Variants in ANKS1B observed in about 807,000 individuals in gnomAD.
ANKS1B encodes the protein ankyrin repeat and sterile alpha motif domain containing 1B, also known as ankyrin repeat and sterile alpha motif domain-containing protein 1B.
A neutral mutation model predicts 148.3 loss-of-function variants in ANKS1B; 36 were observed. That is an observed-to-expected ratio of 0.24 (90% CI 0.19 to 0.32). ANKS1B has a LOEUF of 0.32. Among genes scored for constraint, ANKS1B ranks in the 10% least tolerant of loss-of-function variants. The probability of loss-of-function intolerance (pLI) is 1.00; values close to 1 mark genes in which losing one functional copy is unlikely to be tolerated. For synonymous variants in ANKS1B, 542 were observed against 560.8 expected (o/e 0.97, Z 0.47); for missense variants, 1,157 against 1,542.6 (o/e 0.75, Z 4.19).
At chr12:99,123,216 G>A (rs184794391) in intron 15 of ANKS1B, among the ~76,000 whole-genome samples, 194 of 152,110 alleles carry the variant, frequency 1.3e-3, no homozygotes, top group African/African-American at 4.5e-3. Flanking sequence ...GACAAAGCAG[G>A]GAAAGGAGAC....
At chr12:99,661,694 C>G (rs1222450662) in intron 8 of ANKS1B, among the ~76,000 whole-genome samples, 1 of 152,108 alleles carries the variant, frequency 6.6e-6, no homozygotes, top group Non-Finnish European at 1.5e-5. Context: ...ATATACAGTC[C>G]CCCCTCCTCC....
chr12:98,852,501 C>CT (rs1168744589), intron 17 of ANKS1B, among the ~76,000 whole-genome samples: 2 of 152,140 alleles, frequency 1.3e-5, no homozygotes, highest in Non-Finnish European at 2.9e-5. Context: ...GTACTACTTT[C>CT]TATGCATCTG....
intron 15 of ANKS1B, among the ~76,000 whole-genome samples, chr12:99,140,395 T>G (rs1033454037): frequency 6.6e-6 from 1 of 152,200 alleles, no homozygotes; most frequent in African/African-American, 2.4e-5. Context: ...CCTGGAATAA[T>G]TCATGTAAGC....
At chr12:99,133,305 G>T (rs555908575) in intron 15 of ANKS1B, among the ~76,000 whole-genome samples, 3 of 151,786 alleles carry the variant, frequency 2.0e-5, no homozygotes, top group African/African-American at 7.3e-5. Flanking sequence ...CACCTGCCTC[G>T]GCCTCCCAAA....
chr12:98,769,165 C>CTTTTTTT (rs1182264550), intron 25 of ANKS1B, among the ~76,000 whole-genome samples: 653 of 41,258 alleles, frequency 0.016, 78 homozygotes, highest in East Asian at 0.028. Context: ...GTCTTCTTTA[C>CTTTTTTT]TTTTTTTTTT....
intron 15 of ANKS1B, among the ~76,000 whole-genome samples, chr12:99,116,124 T>C (rs1352812079): frequency 6.6e-6 from 1 of 152,154 alleles, no homozygotes; most frequent in Non-Finnish European, 1.5e-5. Context: ...GTGAATTTTA[T>C]GTGCGTAAAG....
At chr12:99,064,086 G>T (rs961739337) in intron 16 of ANKS1B, among the ~76,000 whole-genome samples, 1 of 152,164 alleles carries the variant, frequency 6.6e-6, no homozygotes, top group African/African-American at 2.4e-5. Context: ...CTGATTTGGG[G>T]TTCCTTGAGT....
chr12:99,730,410 G>A (rs2059021354), intron 8 of ANKS1B, among the ~76,000 whole-genome samples: 1 of 152,144 alleles, frequency 6.6e-6, no homozygotes, highest in African/African-American at 2.4e-5. Context: ...GTGCTCATTG[G>A]GGGCCAGAGA....
At chr12:99,676,536 GA>G (rs2153476423) in intron 8 of ANKS1B, among the ~76,000 whole-genome samples, 1 of 152,214 alleles carries the variant, frequency 6.6e-6, no homozygotes, top group African/African-American at 2.4e-5. Flanking sequence ...GCAAATTACA[GA>G]ATTTTCCTAT....
intron 4 of ANKS1B, among the ~76,000 whole-genome samples, chr12:99,800,165 C>A (rs75951128): frequency 6.6e-6 from 1 of 152,050 alleles, no homozygotes; most frequent in Admixed American, 6.6e-5. Context: ...AAGGGTGTGG[C>A]CCTAATCCAA....
intron 12 of ANKS1B, among the ~76,000 whole-genome samples, chr12:99,317,448 T>C (rs964746809): frequency 1.3e-5 from 2 of 152,214 alleles, no homozygotes; most frequent in Non-Finnish European, 2.9e-5. Context: ...AGTTCACTCA[T>C]GATTTGGCTC....
chr12:99,228,321 C>T (rs12308351), intron 14 of ANKS1B, among the ~76,000 whole-genome samples: 1 of 152,066 alleles, frequency 6.6e-6, no homozygotes, highest in Admixed American at 6.6e-5. Flanking sequence ...TAAGGTACAG[C>T]TATGATTTAT....
At chr12:99,328,239 G>A (rs1445494526) in intron 12 of ANKS1B, among the ~76,000 whole-genome samples, 1 of 152,022 alleles carries the variant, frequency 6.6e-6, no homozygotes, top group East Asian at 1.9e-4. Flanking sequence ...AGGCTGTAGT[G>A]CAGGAGAAGG....
intron 12 of ANKS1B, among the ~76,000 whole-genome samples, chr12:99,269,057 T>C (rs2076749114): frequency 6.6e-6 from 1 of 152,246 alleles, no homozygotes; most frequent in African/African-American, 2.4e-5. Flanking sequence ...CTAGTATTAC[T>C]TTAAAATCAG....
intron 17 of ANKS1B, among the ~76,000 whole-genome samples, chr12:98,856,538 A>G (rs1187672050): frequency 6.6e-6 from 1 of 152,222 alleles, no homozygotes; most frequent in Non-Finnish European, 1.5e-5. Context: ...TAACAAACAG[A>G]TGATTTCATG....
chr12:99,968,720 T>A (rs761839896), intron 1 of ANKS1B, among the ~76,000 whole-genome samples: 3 of 152,146 alleles, frequency 2.0e-5, no homozygotes, highest in Non-Finnish European at 4.4e-5. Flanking sequence ...GTGTTGGAGG[T>A]GGGGTCTGGT....
At chr12:99,582,839 TA>T (rs911553523) in intron 9 of ANKS1B, among the ~76,000 whole-genome samples, 1 of 151,910 alleles carries the variant, frequency 6.6e-6, no homozygotes, top group Non-Finnish European at 1.5e-5. Flanking sequence ...GACATGTCAA[TA>T]AAAAAAATCA....
intron 1 of ANKS1B, among the ~76,000 whole-genome samples, chr12:99,934,941 A>T (rs1189016599): frequency 6.6e-6 from 1 of 152,152 alleles, no homozygotes; most frequent in African/African-American, 2.4e-5. Flanking sequence ...GGGTCAGAGG[A>T]CTGGGGGACT....
chr12:99,415,791 T>G (rs7316673), intron 11 of ANKS1B, among the ~76,000 whole-genome samples: 1 of 151,736 alleles, frequency 6.6e-6, no homozygotes, highest in Non-Finnish European at 1.5e-5. Context: ...TCACGCCATT[T>G]TCCTGCCTCA....
Sources: gnomAD v4.1 joint callset for allele counts (sites outside exome capture counted in the v4.1 genomes callset) on GRCh38, gnomAD v4.1.1 for gene constraint, MANE v1.5 for transcripts, NCBI Gene and HGNC (gene_info 2026-07-23, HGNC 2026-07-21) for gene names.